Variants in STAU2 observed in about 807,000 individuals in gnomAD.
STAU2 encodes the protein double-stranded RNA-binding protein Staufen homolog 2.
Under a neutral mutation model 65.9 loss-of-function variants are expected in STAU2, and 20 were observed. The ratio of observed to expected loss-of-function variants is 0.30; its 90% CI spans 0.21 to 0.44. The LOEUF (loss-of-function observed/expected upper bound fraction) is 0.44. STAU2 is among the 20% of genes least tolerant of loss of function. The pLI is 1.00. For missense variants in STAU2, 558 were observed against 683.9 expected (o/e 0.82, Z 2.05); for synonymous variants, 232 against 233.9 (o/e 0.99, Z 0.07).
chr8:73,642,326 CA>C (rs1231152764), intron 6 of STAU2, among the ~76,000 whole-genome samples: 1 of 152,086 alleles, frequency 6.6e-6, no homozygotes, highest in Non-Finnish European at 1.5e-5. Flanking sequence ...AGATCAAGAC[CA>C]TCCTGGCCAA....
intron 12 of STAU2, among the ~76,000 whole-genome samples, chr8:73,558,901 C>G (rs1221545845): frequency 6.6e-6 from 1 of 152,004 alleles, no homozygotes; most frequent in East Asian, 1.9e-4. Context: ...CCCAAATATC[C>G]AATAATACTC....
intron 12 of STAU2, among the ~76,000 whole-genome samples, chr8:73,575,410 C>G (rs565231610): frequency 2.3e-4 from 35 of 152,126 alleles, no homozygotes; most frequent in Non-Finnish European, 4.3e-4. Context: ...AAACTGCTGT[C>G]TATTGACAGT....
intron 13 of STAU2, among the ~76,000 whole-genome samples, chr8:73,484,591 A>G (rs1360620826): frequency 6.6e-6 from 1 of 152,092 alleles, no homozygotes; most frequent in South Asian, 2.1e-4. Context: ...CAATAAAAGG[A>G]TATTTAAAAA....
chr8:73,601,460 G>A (rs1015700126), intron 10 of STAU2, among the ~76,000 whole-genome samples: 77 of 152,132 alleles, frequency 5.1e-4, no homozygotes, highest in African/African-American at 1.8e-3. Flanking sequence ...ATCAACATAA[G>A]TAACTGCATC....
At chr8:73,441,098 A>C (rs1211881274) in intron 13 of STAU2, 2 of 152,284 alleles carry the variant, frequency 1.3e-5, no homozygotes, top group East Asian at 3.9e-4. Flanking sequence ...GATCTAAAGG[A>C]GTTGAACCAC....
intron 13 of STAU2, among the ~76,000 whole-genome samples, chr8:73,536,328 A>G (rs1351294252): frequency 2.0e-5 from 3 of 152,198 alleles, no homozygotes; most frequent in Non-Finnish European, 4.4e-5. Context: ...GAGAATGCCA[A>G]TGGGTACAGG....
At chr8:73,446,839 T>TC (rs989068929) in intron 13 of STAU2, among the ~76,000 whole-genome samples, 2 of 152,108 alleles carry the variant, frequency 1.3e-5, no homozygotes, top group African/African-American at 4.8e-5. Context: ...TAAAGGAAAG[T>TC]CCCCCATACT....
Position 73,421,312 on chromosome 8 carries a change from C to T in STAU2, c.*60G>A. 1 of 1,407,366 alleles carries T rather than the reference C, an allele frequency of 7.1e-7. No homozygotes were observed. Among genetic ancestry groups the T allele is most frequent in the Non-Finnish European group, 9.7e-7 (1 of 1,029,160 alleles). The allele number at this position is 1,407,366 out of a possible 1,614,324, so 87.2% of individuals were successfully genotyped here. On this transcript the variant is annotated 3_prime_UTR_variant, in exon 15 of 15. Coordinates refer to ENST00000524300, the MANE Select transcript of STAU2 (RefSeq NM_001164380.2). ...TCATTCATTTCCCTGAACACAGACA[C>T]CCTCATGCGTGCTGACAGGTTTATA...
At chr8:73,552,341 C>T (rs1407234487) in intron 12 of STAU2, 22 bp from the exon 13 acceptor site, 3 of 1,585,602 alleles carry the variant, frequency 1.9e-6, no homozygotes, top group Non-Finnish European at 8.6e-7. Context: ...ATGAAGAACA[C>T]TGTTATTACA....
intron 6 of STAU2, among the ~76,000 whole-genome samples, chr8:73,664,907 G>A (rs564358585): frequency 1.3e-5 from 2 of 152,124 alleles, no homozygotes; most frequent in Non-Finnish European, 2.9e-5. Context: ...CATGAGAATC[G>A]CTCGAACCTG....
At position 73,449,732 on chromosome 8, in the gene STAU2, C is replaced by G. The variant is rs61605596; in HGVS notation, c.1531-27030G>C. On this transcript the variant is annotated intron_variant, in intron 13 of 14. Coordinates refer to ENST00000524300, the MANE Select transcript of STAU2 (RefSeq NM_001164380.2). ...GCTCCCTCTTGACTAAGCTCCTACA[C>G]CAGCCCACCCCTTTCTTGTTACAAC... Among the ~76,000 whole-genome samples the G allele has an allele frequency of 6.9e-3, 1,045 of 152,308 alleles. 17 individuals are homozygous for G. Among genetic ancestry groups the G allele is most frequent in the African/African-American group, 0.024 (1,003 of 41,566 alleles).
chr8:73,588,646 C>A (rs534443237), intron 11 of STAU2, among the ~76,000 whole-genome samples: 1 of 152,084 alleles, frequency 6.6e-6, no homozygotes, highest in Admixed American at 6.5e-5. Context: ...TTCTCTGGTC[C>A]TAAGAGCTCA....
chr8:73,730,830 T>C (rs1281679934), intron 3 of STAU2, among the ~76,000 whole-genome samples: 1 of 152,172 alleles, frequency 6.6e-6, no homozygotes, highest in East Asian at 1.9e-4. Context: ...AATACTGTTG[T>C]TGAGGTCCTC....
At chr8:73,461,865 C>T (rs1819368367) in intron 13 of STAU2, among the ~76,000 whole-genome samples, 1 of 152,144 alleles carries the variant, frequency 6.6e-6, no homozygotes, top group South Asian at 2.1e-4. Flanking sequence ...GTGGCCACAC[C>T]CAGGGCCCCA....
At chr8:73,720,542 G>T in intron 3 of STAU2, among the ~76,000 whole-genome samples, 1 of 42,746 alleles carries the variant, frequency 2.3e-5, no homozygotes, top group African/African-American at 1.3e-4. Flanking sequence ...GTCTCGCTCT[G>T]TCGCCCAGGC....
chr8:73,566,507 T>G (rs1456910893), intron 12 of STAU2, among the ~76,000 whole-genome samples: 1 of 152,208 alleles, frequency 6.6e-6, no homozygotes, highest in Non-Finnish European at 1.5e-5. Context: ...ATATAAAACA[T>G]TCTTTCAAAA....
intron 13 of STAU2, among the ~76,000 whole-genome samples, chr8:73,464,723 G>A (rs750652893): frequency 3.3e-5 from 5 of 152,110 alleles, no homozygotes; most frequent in Non-Finnish European, 7.4e-5. Context: ...AAAGGAAACA[G>A]AATAATCAAA....
chr8:73,656,713 C>T (rs1816403882), intron 6 of STAU2, among the ~76,000 whole-genome samples: 1 of 152,190 alleles, frequency 6.6e-6, no homozygotes, highest in African/African-American at 2.4e-5. Flanking sequence ...CTGCAAACAG[C>T]TCATTTAATT....
chr8:73,693,107 G>C (rs1819455573), intron 4 of STAU2, among the ~76,000 whole-genome samples: 1 of 152,006 alleles, frequency 6.6e-6, no homozygotes, highest in Non-Finnish European at 1.5e-5. Context: ...GCTGCAGTGA[G>C]CTATGACTGC....
Sources: allele counts gnomAD v4.1 joint callset (sites outside exome capture counted in the v4.1 genomes callset), GRCh38; gene constraint gnomAD v4.1.1; transcripts MANE v1.5; gene names NCBI Gene and HGNC (gene_info 2026-07-23, HGNC 2026-07-21).